SLITRK1: variants seen among roughly 807,000 people sequenced by gnomAD.
SLITRK1 encodes the protein SLIT and NTRK like family member 1, also known as SLIT and NTRK-like protein 1.
SLITRK1 carries 10 observed loss-of-function variants against 42.4 expected under a neutral mutation model. The ratio of observed to expected loss-of-function variants is 0.24; its 90% confidence interval spans 0.15 to 0.40. SLITRK1 has a LOEUF of 0.40. SLITRK1 is among the 10% of genes least tolerant of loss of function. The pLI is 1.00. For missense variants in SLITRK1, 778 were observed against 848.8 expected, an observed-to-expected ratio of 0.92 and a Z score of 1.04; for synonymous variants, 389 against 365.7, an observed-to-expected ratio of 1.06 and a Z score of -0.73.
Position 83,879,152 on chromosome 13 carries a change from G to T in SLITRK1, c.*265C>A, listed in dbSNP as rs938919267. 4.0e-6 allele frequency: 2 copies of T among 504,756 alleles called. No homozygotes were observed. Among genetic ancestry groups the T allele is most frequent in the Non-Finnish European group, 7.2e-6 (2 of 277,032 alleles). The allele number at this position is 504,756 out of a possible 1,614,324, so 31.3% of individuals were successfully genotyped here. A position where few individuals can be genotyped will look rare whatever the true frequency, so the allele number is the denominator to read the frequency against. On this transcript the variant is annotated 3_prime_UTR_variant, in exon 2 of 2. Transcript: ENST00000674365. ...CAGTTCTTCCAGCAGGGTCGTGCTG[G>T]GCTTTCTGTCAAAAGGGGCTCTCAG...
rs1215803936 is a variant in SLITRK1, at chr13:83,881,008, C to T, written c.500G>A (p.Ser167Asn). The change falls in exon 2 of 2, where the codon AGC (serine) becomes AAC (asparagine). Residue 167 changes from serine (S) to asparagine (N), a missense_variant. Physicochemically the swap from Ser to Asn is conservative, Grantham distance 46. This residue lies in a region of SLITRK1 where 204 missense variants were observed against 295.3 expected (regional missense o/e 0.69). Transcript: ENST00000674365. ...EVLILNDNLI[S>N]TLPANVFQYV... is the part of the protein sequence containing the mutation. ...CTGGAACACGTTGGCAGGTAGGGTGCTGATGAGATTGTCATTTAAAATGAG... is the reference window on the plus strand; with the variant it reads ...CTGGAACACGTTGGCAGGTAGGGTGTTGATGAGATTGTCATTTAAAATGAG... 3 of 1,614,048 alleles carry T rather than the reference C, an allele frequency of 1.9e-6. No homozygotes were observed. The highest frequency in any genetic ancestry group is 2.5e-6 in the Non-Finnish European group (3 of 1,180,020).
intron 1 of SLITRK1, 159 bp from the exon 2 acceptor site, chr13:83,881,719 A>T (rs1427612164): frequency 2.1e-6 from 1 of 485,798 alleles, no homozygotes; most frequent in Non-Finnish European, 3.8e-6. Context: ...ATATCCACAA[A>T]CTATCCAGGC....
chr13:83,879,791 A>G lies in SLITRK1; in HGVS notation c.1717T>C (p.Ser573Pro). The change falls in exon 2 of 2, where the codon TCC (serine) becomes CCC (proline). Residue 573 changes from serine (S) to proline (P), a missense_variant. This residue lies in a region of SLITRK1 where 164 missense variants were observed against 158.2 expected (regional missense o/e 1.04). Transcript: ENST00000674365. ...NFFRKDFMLL[S>P]NDEICPQLYA... ...AGCTGAGGGCAGATCTCGTCATTGG[A>G]GAGGAGCATGAAATCCTTTCTAAAG... The G allele has an allele frequency of 6.2e-7, 1 of 1,613,958 alleles. No individual in the cohort carries two copies. The highest frequency in any genetic ancestry group is 8.5e-7 in the Non-Finnish European group (1 of 1,179,998).
Position 83,879,990 on chromosome 13 carries a change from G to A in SLITRK1, c.1518C>T (p.Phe506=). The stretch of plus-strand genomic sequence containing the variant: ...GCACCCCTGCCACCGGGAGGTACAT[G>A]AAGTAATTGTTGTGCAGGCTGAGTT... ...LSKLSLHNNY[F]MYLPVAGVLD... The change falls in exon 2 of 2, where the codon TTC becomes TTT. Residue 506 remains phenylalanine, a synonymous_variant. Coordinates refer to ENST00000674365, the MANE Select transcript of SLITRK1 (RefSeq NM_001281503.2). 7 of 1,614,072 alleles carry A rather than the reference G, an allele frequency of 4.3e-6. No homozygotes were observed. Among genetic ancestry groups the A allele is most frequent in the Non-Finnish European group, 5.9e-6 (7 of 1,180,030 alleles).
chr13:83,880,272 A>G lies in SLITRK1; in HGVS notation c.1236T>C (p.Ala412=), dbSNP rs766913591. Residue 412 remains alanine, a synonymous_variant, in exon 2 of 2, where the codon GCT becomes GCC. Transcript: ENST00000674365. ...ILLDLGNNNI[A]TVENNTFKNL... ...TCTTGAAAGTGTTGTTCTCTACAGTAGCGATGTTATTGTTGCCCAGATCCA... is the reference window on the plus strand; with the variant it reads ...TCTTGAAAGTGTTGTTCTCTACAGTGGCGATGTTATTGTTGCCCAGATCCA... 2 of 1,614,030 alleles carry G rather than the reference A, an allele frequency of 1.2e-6. No individual in the cohort carries two copies. Among genetic ancestry groups the G allele is most frequent in the Non-Finnish European group, 1.7e-6 (2 of 1,180,040 alleles).
At position 83,880,416 on chromosome 13, in the gene SLITRK1, C is replaced by T. The variant is rs1254484393; in HGVS notation, c.1092G>A (p.Val364=). 6.2e-7 allele frequency: 1 copy of T among 1,613,960 alleles called. No homozygotes were observed. The highest frequency in any genetic ancestry group is 8.5e-7 in the Non-Finnish European group (1 of 1,180,018). The change falls in exon 2 of 2, where the codon GTG becomes GTA. Residue 364 remains valine, a synonymous_variant. Coordinates refer to ENST00000674365, the MANE Select transcript of SLITRK1 (RefSeq NM_001281503.2). ...TGGGCTTCAAATCAGCCAAGCTGCT[C>T]ACGTTCCTGTTGTTGCAGTTCATCT... The part of the protein sequence containing the change: ...GLKMNCNNRN[V]SSLADLKPKL...
At position 83,879,385 on chromosome 13, in the gene SLITRK1, T is replaced by C. The variant is rs555623509; in HGVS notation, c.*32A>G. Reference sequence around the variant, plus strand: ...TGCGGTGGGGAAGGATGTATCGCCTTCCCTCTGCCCTCCCCTATTGGGGTT... The same window carrying C: ...TGCGGTGGGGAAGGATGTATCGCCTCCCCTCTGCCCTCCCCTATTGGGGTT... On this transcript the variant is annotated 3_prime_UTR_variant, in exon 2 of 2. Transcript: ENST00000674365. The C allele has an allele frequency of 6.2e-7, 1 of 1,610,214 alleles. No individual in the cohort carries two copies. The highest frequency in any genetic ancestry group is 1.3e-5 in the African/African-American group (1 of 74,974).
In SLITRK1 at chr13:83,881,070, G is replaced by T. The variant is rs746270900; in HGVS notation, c.438C>A (p.Asp146Glu). The change falls in exon 2 of 2, where the codon GAC (aspartate) becomes GAA (glutamate). Residue 146 changes from aspartate (D) to glutamate (E), a missense_variant. Asp to Glu is a conservative substitution (Grantham distance 45, BLOSUM62 2). Coordinates refer to ENST00000674365, the MANE Select transcript of SLITRK1 (RefSeq NM_001281503.2). ...QADFNLLRDI[D>E]PGAFQDLNKL... is the part of the protein sequence containing the mutation. ...TGTTCAAGTCCTGGAAGGCCCCCGG[G>T]TCTATATCTCGTAATAAATTAAAAT... The T allele has an allele frequency of 1.4e-4, 220 of 1,613,920 alleles. No homozygotes were observed. In the Admixed American group the frequency reaches 3.6e-3, roughly 26 times the overall value.
rs891053016 is a variant in SLITRK1, at chr13:83,878,181, C to T, written c.*1236G>A. 3 of 152,450 alleles carry T rather than the reference C, an allele frequency of 2.0e-5. No individual in the cohort carries two copies. Among genetic ancestry groups the T allele is most frequent in the Non-Finnish European group, 4.4e-5 (3 of 68,056 alleles). The allele number at this position is 152,450 out of a possible 1,614,324, so 9.4% of individuals were successfully genotyped here. A position where few individuals can be genotyped will look rare whatever the true frequency, so the allele number is the denominator to read the frequency against. Reference sequence around the variant, plus strand: ...CAACCGTTTCCCTCCCCTGTCTCTTCCACCGCAAATCCAATTTACCACTTG... The same window carrying T: ...CAACCGTTTCCCTCCCCTGTCTCTTTCACCGCAAATCCAATTTACCACTTG... On this transcript the variant is annotated 3_prime_UTR_variant, in exon 2 of 2. Transcript: ENST00000674365.
At position 83,880,591 on chromosome 13, in the gene SLITRK1, T is replaced by C; in HGVS notation, c.917A>G (p.Asn306Ser). The C allele has an allele frequency of 1.2e-6, 2 of 1,614,124 alleles. No individual in the cohort carries two copies. The highest frequency in any genetic ancestry group is 1.7e-6 in the Non-Finnish European group (2 of 1,180,038). The change falls in exon 2 of 2, where the codon AAC (asparagine) becomes AGC (serine). Residue 306 changes from asparagine to serine, a missense_variant. Coordinates refer to ENST00000674365, the MANE Select transcript of SLITRK1 (RefSeq NM_001281503.2). ...GTTGCCTGGGATCTTTGTACCTCCG[T>C]TTGGAGCAGACCCTGGTGTGGCATG... Reference protein sequence around the residue: ...EDHATPGSAPNGGTKIPGNWQ... With the variant: ...EDHATPGSAPSGGTKIPGNWQ...
rs760004695 is a variant in SLITRK1 at position 83,879,779 on chromosome 13, T to C, written c.1729A>G (p.Ile577Val). The C allele has an allele frequency of 6.2e-7, 1 of 1,614,008 alleles. No individual in the cohort carries two copies. Among genetic ancestry groups the C allele is most frequent in the South Asian group, 1.1e-5 (1 of 91,052 alleles). The change falls in exon 2 of 2, where the codon ATC becomes GTC. Residue 577 changes from isoleucine (I) to valine (V), a missense_variant. By Grantham distance (29) the Ile-to-Val change is conservative. Coordinates refer to ENST00000674365, the MANE Select transcript of SLITRK1 (RefSeq NM_001281503.2). ...KDFMLLSNDE[I>V]CPQLYARISP... ...ATCCTAGCGTACAGCTGAGGGCAGA[T>C]CTCGTCATTGGAGAGGAGCATGAAA...
At chr13:83,881,737 G>T in intron 1 of SLITRK1, 177 bp from the exon 2 acceptor site, 1 of 209,836 alleles carries the variant, frequency 4.8e-6, no homozygotes, top group Admixed American at 8.1e-5. Context: ...GGCACGTAGT[G>T]CAAGGCAAGC....
At chr13:83,881,591 T>C in intron 1 of SLITRK1, 31 bp from the exon 2 acceptor site, 1 of 1,565,772 alleles carries the variant, frequency 6.4e-7, no homozygotes, top group Non-Finnish European at 8.8e-7. Context: ...TCAAGTTCAT[T>C]TAGTGCTCCA....
At chr13:83,881,751 GAAAAAAA>G (rs771177138) in intron 1 of SLITRK1, 191 bp from the exon 2 acceptor site, 31 of 106,736 alleles carry the variant, frequency 2.9e-4, no homozygotes, top group Middle Eastern at 6.8e-3. Context: ...GGCAAGCAAA[GAAAAAAA>G]AAAAAAAAAA....
In SLITRK1 at chr13:83,881,426, T is replaced by C; in HGVS notation, c.82A>G (p.Ile28Val). 2 of 1,613,882 alleles carry C rather than the reference T, an allele frequency of 1.2e-6. No homozygotes were observed. Among genetic ancestry groups the C allele is most frequent in the East Asian group, 2.2e-5 (1 of 44,862 alleles). ...NVTGDVCKEK[I>V]CSCNEIEGDL... is the part of the protein sequence containing the mutation. Reference sequence around the variant, plus strand: ...CCTTCTATCTCATTGCAGGAACAGATCTTCTCTTTGCAAACGTCCCCTGTA... The same window carrying C: ...CCTTCTATCTCATTGCAGGAACAGACCTTCTCTTTGCAAACGTCCCCTGTA... The change falls in exon 2 of 2, where the codon ATC (isoleucine) becomes GTC (valine). Residue 28 changes from isoleucine to valine, a missense_variant. Ile to Val is a conservative substitution (Grantham distance 29). This residue lies in a region of SLITRK1 where 204 missense variants were observed against 295.3 expected (regional missense o/e 0.69). Coordinates refer to ENST00000674365, the MANE Select transcript of SLITRK1 (RefSeq NM_001281503.2).
At position 83,880,992 on chromosome 13, in the gene SLITRK1, G is replaced by T. The variant is rs770348242; in HGVS notation, c.516C>A (p.Asn172Lys). Residue 172 changes from asparagine (N) to lysine (K), a missense_variant, in exon 2 of 2, where the codon AAC becomes AAA. Coordinates refer to ENST00000674365, the MANE Select transcript of SLITRK1 (RefSeq NM_001281503.2). ...GGGTGATGGGCACATACTGGAACACGTTGGCAGGTAGGGTGCTGATGAGAT... is the reference window on the plus strand; with the variant it reads ...GGGTGATGGGCACATACTGGAACACTTTGGCAGGTAGGGTGCTGATGAGAT... ...NDNLISTLPANVFQYVPITHL... is the reference protein window; with the variant it reads ...NDNLISTLPAKVFQYVPITHL... 1.9e-6 allele frequency: 3 copies of T among 1,614,092 alleles called. No homozygotes were observed. In the South Asian group the frequency reaches 3.3e-5, roughly 18 times the overall value.
chr13:83,881,157 C>G lies in SLITRK1; in HGVS notation c.351G>C (p.Lys117Asn). 1 of 1,614,070 alleles carries G rather than the reference C, an allele frequency of 6.2e-7. No individual in the cohort carries two copies. Among genetic ancestry groups the G allele is most frequent in the African/African-American group, 1.3e-5 (1 of 75,006 alleles). ...AAGTCTGCTTTCGAAAAGACTTGAT[C>G]TTGTTGTTGTTGATGTGCAGCCTTT... ...LVKRLHINNN[K>N]IKSFRKQTFL... Residue 117 changes from lysine (K) to asparagine (N), a missense_variant, in exon 2 of 2, where the codon AAG (lysine) becomes AAC (asparagine). By Grantham distance (94) the Lys-to-Asn change is moderately conservative. Around this residue, in one of 4 missense-constraint regions of SLITRK1, gnomAD observed 204 missense variants for 295.3 expected, o/e 0.69. Coordinates refer to ENST00000674365, the MANE Select transcript of SLITRK1 (RefSeq NM_001281503.2).
At position 83,879,334 on chromosome 13, in the gene SLITRK1, C is replaced by A. The variant is rs1463741852; in HGVS notation, c.*83G>T. On this transcript the variant is annotated 3_prime_UTR_variant, in exon 2 of 2. Coordinates refer to ENST00000674365, the MANE Select transcript of SLITRK1 (RefSeq NM_001281503.2). ...GGCTGATGGCGCGGGGATTTGGGTA[C>A]ACGCCCCTCCAGCCCCCGGGGTGCC... 5.8e-6 allele frequency: 9 copies of A among 1,563,008 alleles called. 1 individual carries two copies. In the African/African-American group the frequency reaches 6.7e-5, roughly 12 times the overall value.
At position 83,877,290 on chromosome 13, in the gene SLITRK1, T is replaced by A. The variant is rs954960516; in HGVS notation, c.*2127A>T. On this transcript the variant is annotated 3_prime_UTR_variant, in exon 2 of 2. Coordinates refer to ENST00000674365, the MANE Select transcript of SLITRK1 (RefSeq NM_001281503.2). ...AACATCACTGTTCTGAGAAATCACT[T>A]CCCTTTAGAATATGAGTTCTAGATG... The A allele has an allele frequency of 2.0e-5, 3 of 152,182 alleles. No homozygotes were observed. The highest frequency in any genetic ancestry group is 7.2e-5 in the African/African-American group (3 of 41,442). The allele number at this position is 152,182 out of a possible 1,614,324, so 9.4% of individuals were successfully genotyped here. A position where few individuals can be genotyped will look rare whatever the true frequency, so the allele number is the denominator to read the frequency against.
Sources: allele counts gnomAD v4.1 joint callset, GRCh38; gene constraint gnomAD v4.1.1; regional missense constraint gnomAD v4.1.1; transcripts MANE v1.5; gene names NCBI Gene and HGNC (gene_info 2026-07-23, HGNC 2026-07-21).